SLC35E4: variants seen among roughly 807,000 people sequenced by gnomAD.
SLC35E4 encodes the protein solute carrier family 35 member E4, also known as solute carrier family 35, member E4.
In SLC35E4, 15 loss-of-function variants were observed where a neutral mutation model predicts 19.3. That is an observed-to-expected ratio of 0.78 (90% CI 0.52 to 1.20). The LOEUF (loss-of-function observed/expected upper bound fraction) is 1.20. Among genes scored for constraint, SLC35E4 ranks in the 50% most tolerant of loss-of-function variants. The pLI, the probability that SLC35E4 is intolerant of heterozygous loss-of-function variation, is 0.00. For missense variants in SLC35E4, 406 were observed against 472.3 expected (o/e 0.86, Z 1.30); for synonymous variants, 219 against 219.9 (o/e 1.00, Z 0.04).
At chr22:30,655,429 C>CAAAAAAA (rs5844917) in intron 2 of SLC35E4, among the ~76,000 whole-genome samples, 4 of 111,646 alleles carry the variant, frequency 3.6e-5, no homozygotes, top group African/African-American at 1.1e-4. Context: ...GAGATCCTAC[C>CAAAAAAA]AAAAAAAAAA....
chr22:30,642,672 C>T lies in SLC35E4; in HGVS notation c.620-3926C>T, dbSNP rs969245870. On this transcript the variant is annotated intron_variant, in intron 1 of 1. Coordinates refer to ENST00000343605, the MANE Select transcript of SLC35E4 (RefSeq NM_001001479.4). ...AGGAGAATCTCTTGAACCAGGGAGG[C>T]GGAGGTTGCAGTGAGCCGAGATATC... Among the ~76,000 whole-genome samples the T allele has an allele frequency of 6.5e-5, 9 of 138,284 alleles. No individual in the cohort carries two copies. In the South Asian group the frequency reaches 1.9e-3, roughly 30 times the overall value. 90.7% of individuals were successfully genotyped at this position (138,284 alleles called of 152,430 possible).
At chr22:30,662,142 G>C (rs1193513400) in exon 3 of SLC35E4, 1 of 151,272 alleles carries the variant, frequency 6.6e-6, no homozygotes, top group Non-Finnish European at 1.5e-5. Flanking sequence ...TGTGTGTGCC[G>C]ACCTGGGACC....
downstream of SLC35E4, among the ~76,000 whole-genome samples, chr22:30,650,550 G>T (rs559596771): frequency 1.6e-4 from 24 of 152,096 alleles, no homozygotes; most frequent in Non-Finnish European, 2.8e-4. Context: ...ACTTGTGCTC[G>T]AATCCTGGCT....
intron 1 of SLC35E4, among the ~76,000 whole-genome samples, chr22:30,642,076 G>A (rs2088050639): frequency 1.3e-5 from 2 of 152,034 alleles, no homozygotes; most frequent in African/African-American, 2.4e-5. Context: ...AGGCTGGAGT[G>A]CAGTGGCTCA....
intron 2 of SLC35E4, among the ~76,000 whole-genome samples, chr22:30,661,013 T>C (rs978382699): frequency 6.6e-6 from 1 of 152,160 alleles, no homozygotes; most frequent in African/African-American, 2.4e-5. Context: ...CCTGCTTTCG[T>C]ATTTTTAGCA....
rs139368740 is a variant in SLC35E4 at position 30,646,785 on chromosome 22, C to A, written c.807C>A (p.Asn269Lys). ...LLSCLLSVLYNLASFSLLALT... is the reference protein window; with the variant it reads ...LLSCLLSVLYKLASFSLLALT... ...GCTGCCTCCTGTCTGTTCTCTATAACCTGGCCAGCTTCTCCCTGCTGGCCC... is the reference window on the plus strand; with the variant it reads ...GCTGCCTCCTGTCTGTTCTCTATAAACTGGCCAGCTTCTCCCTGCTGGCCC... The change falls in exon 2 of 2, where the codon AAC becomes AAA. Residue 269 changes from asparagine to lysine, a missense_variant. Physicochemically the swap from Asn to Lys is moderately conservative, Grantham distance 94. Coordinates refer to ENST00000343605, the MANE Select transcript of SLC35E4 (RefSeq NM_001001479.4). The A allele has an allele frequency of 3.1e-6, 5 of 1,614,218 alleles. No homozygotes were observed. The South Asian group carries it at 5.5e-5, about 18-fold the overall frequency.
downstream of SLC35E4, chr22:30,663,983 G>A: frequency 2.5e-6 from 4 of 1,613,432 alleles, no homozygotes; most frequent in South Asian, 3.3e-5. Context: ...GAACTGGGAA[G>A]GCACACGAGG....
chr22:30,653,833 A>T (rs2088275825), intron 2 of SLC35E4: 1 of 152,304 alleles, frequency 6.6e-6, no homozygotes, highest in Non-Finnish European at 1.5e-5. Context: ...TTATTTATTT[A>T]CATATTTATT....
At chr22:30,665,986 G>GT (rs1253122525), downstream of SLC35E4, among the ~76,000 whole-genome samples, 1 of 152,158 alleles carries the variant, frequency 6.6e-6, no homozygotes, top group Non-Finnish European at 1.5e-5. Flanking sequence ...AAAGACCAAA[G>GT]GTTGTATAGG....
chr22:30,658,186 T>TTA, intron 2 of SLC35E4, among the ~76,000 whole-genome samples: 1 of 151,620 alleles, frequency 6.6e-6, no homozygotes, highest in Non-Finnish European at 1.5e-5. Context: ...GCAGTCTGTC[T>TTA]CTCCCACTGG....
intron 1 of SLC35E4, among the ~76,000 whole-genome samples, chr22:30,638,160 T>A (rs1374778460): frequency 1.3e-5 from 2 of 151,204 alleles, no homozygotes; most frequent in African/African-American, 4.9e-5. Flanking sequence ...AGACCAGGAG[T>A]TCGAGACCAC....
At chr22:30,639,515 G>A (rs1444515526) in intron 1 of SLC35E4, among the ~76,000 whole-genome samples, 1 of 152,164 alleles carries the variant, frequency 6.6e-6, no homozygotes, top group African/African-American at 2.4e-5. Flanking sequence ...TAATAAGCCT[G>A]GGAGCGCTAT....
intron 2 of SLC35E4, among the ~76,000 whole-genome samples, chr22:30,658,221 A>G (rs1023868498): frequency 4.6e-5 from 7 of 151,842 alleles, no homozygotes; most frequent in Non-Finnish European, 8.8e-5. Context: ...CCTGGAAATA[A>G]TGGATCTGAG....
rs1023376509 is a variant in SLC35E4, at chr22:30,636,107, G to A, written c.-344G>A. The A allele has an allele frequency of 3.6e-6, 1 of 279,898 alleles. No homozygotes were observed. The highest frequency in any genetic ancestry group is 6.7e-6 in the Non-Finnish European group (1 of 148,922). 17.3% of individuals were successfully genotyped at this position (279,898 alleles called of 1,614,324 possible). ...GACCTGGGGACTGAAGAGAAAAAAG[G>A]AACGAGGATTTCATCTAAAAGCATA... On this transcript the variant is annotated 5_prime_UTR_variant, in exon 1 of 2. Coordinates refer to ENST00000343605, the MANE Select transcript of SLC35E4 (RefSeq NM_001001479.4).
At chr22:30,655,429 C>CTAAAAAAAAAAAA (rs1389184839) in intron 2 of SLC35E4, among the ~76,000 whole-genome samples, 4 of 111,628 alleles carry the variant, frequency 3.6e-5, no homozygotes, top group Middle Eastern at 4.2e-3. Flanking sequence ...GAGATCCTAC[C>CTAAAAAAAAAAAA]AAAAAAAAAA....
chr22:30,636,589 G>A lies in SLC35E4; in HGVS notation c.139G>A (p.Ala47Thr), dbSNP rs1489893673. 6.2e-7 allele frequency: 1 copy of A among 1,601,392 alleles called. No individual in the cohort carries two copies. Among genetic ancestry groups the A allele is most frequent in the South Asian group, 1.1e-5 (1 of 89,728 alleles). Residue 47 changes from alanine (A) to threonine (T), a missense_variant, in exon 1 of 2, where the codon GCC (alanine) becomes ACC (threonine). By Grantham distance (58) the Ala-to-Thr change is moderately conservative. Coordinates refer to ENST00000343605, the MANE Select transcript of SLC35E4 (RefSeq NM_001001479.4). ...SPQALRQPGR[A>T]RVAMAALVWL... is the part of the protein sequence containing the mutation. ...TCAGGCCCTCCGGCAGCCTGGCCGGGCCCGAGTGGCCATGGCAGCACTGGT... is the reference window on the plus strand; with the variant it reads ...TCAGGCCCTCCGGCAGCCTGGCCGGACCCGAGTGGCCATGGCAGCACTGGT...
exon 3 of SLC35E4, chr22:30,662,522 C>G (rs1460284113): frequency 6.6e-6 from 1 of 152,182 alleles, no homozygotes. Context: ...TACAATAGCA[C>G]TCACAATTTT....
chr22:30,647,289 A>C lies in SLC35E4; in HGVS notation c.*258A>C. 7 of 464,694 alleles carry C rather than the reference A, an allele frequency of 1.5e-5. No homozygotes were observed. Among genetic ancestry groups the C allele is most frequent in the Non-Finnish European group, 1.9e-5 (5 of 261,172 alleles). 28.8% of individuals were successfully genotyped at this position (464,694 alleles called of 1,614,324 possible). ...GGCGCGTGCCTATAGTCCCAGCTAC[A>C]TGGGAGGCTAAGGTGGGAGGATCAC... is the stretch of plus-strand genomic sequence containing the variant. On this transcript the variant is annotated 3_prime_UTR_variant, in exon 2 of 2. Coordinates refer to ENST00000343605, the MANE Select transcript of SLC35E4 (RefSeq NM_001001479.4).
intron 2 of SLC35E4, among the ~76,000 whole-genome samples, chr22:30,655,822 C>T (rs71331255): frequency 0.012 from 1,771 of 152,202 alleles, 7 homozygotes; most frequent in Admixed American, 0.018. Context: ...AAGTCAAAGC[C>T]AAGAGGTGGA....
Sources: allele counts gnomAD v4.1 joint callset (sites outside exome capture counted in the v4.1 genomes callset), GRCh38; gene constraint gnomAD v4.1.1; transcripts MANE v1.5; gene names NCBI Gene and HGNC (gene_info 2026-07-23, HGNC 2026-07-21).